Variants in LRRC4C observed in about 807,000 individuals in gnomAD.
LRRC4C encodes the protein leucine-rich repeat-containing protein 4C.
In LRRC4C, 5 loss-of-function variants were observed where a neutral mutation model predicts 33.6. The ratio of observed to expected loss-of-function variants is 0.15; its 90% CI spans 0.08 to 0.31. LRRC4C has a LOEUF of 0.31. Ranked by LOEUF, LRRC4C falls within the 10% of genes least tolerant of loss-of-function variation. The pLI, the probability that LRRC4C is intolerant of heterozygous loss-of-function variation, is 1.00. For missense variants in LRRC4C, 560 were observed against 796.7 expected, an observed-to-expected ratio of 0.70 and a Z score of 3.58; for synonymous variants, 329 against 302.0, an observed-to-expected ratio of 1.09 and a Z score of -0.93.
intron 2 of LRRC4C, among the ~76,000 whole-genome samples, chr11:40,867,455 ACT>A (rs1202992104): frequency 6.6e-6 from 1 of 152,136 alleles, no homozygotes; most frequent in Non-Finnish European, 1.5e-5. Flanking sequence ...AGCATTGGTG[ACT>A]CTTAAAGTAA....
At chr11:40,415,443 C>T (rs1950293611) in intron 3 of LRRC4C, among the ~76,000 whole-genome samples, 1 of 152,134 alleles carries the variant, frequency 6.6e-6, no homozygotes, top group Admixed American at 6.6e-5. Context: ...TTCCTTGCTG[C>T]CCCATTCATG....
intron 4 of LRRC4C, among the ~76,000 whole-genome samples, chr11:40,257,460 C>T (rs1867300217): frequency 6.6e-6 from 1 of 151,986 alleles, no homozygotes; most frequent in African/African-American, 2.4e-5. Flanking sequence ...TTTCTAGTTC[C>T]CAAGTAAACC....
chr11:41,113,887 C>T (rs909559002), intron 1 of LRRC4C, among the ~76,000 whole-genome samples: 1 of 151,928 alleles, frequency 6.6e-6, no homozygotes, highest in Admixed American at 6.6e-5. Context: ...AAGGTACATG[C>T]AATATCTCCA....
chr11:40,548,212 A>T (rs1033810939), intron 3 of LRRC4C, among the ~76,000 whole-genome samples: 3 of 152,074 alleles, frequency 2.0e-5, no homozygotes, highest in African/African-American at 2.4e-5. Flanking sequence ...ACTGTTGAGG[A>T]TTGTGCTTTC....
At chr11:40,265,628 A>C (rs1414391966) in intron 4 of LRRC4C, among the ~76,000 whole-genome samples, 1 of 152,202 alleles carries the variant, frequency 6.6e-6, no homozygotes, top group Non-Finnish European at 1.5e-5. Flanking sequence ...TCCTAACAGC[A>C]CTAATGGTGC....
chr11:41,313,004 C>T (rs921146087), intron 1 of LRRC4C, among the ~76,000 whole-genome samples: 2 of 152,148 alleles, frequency 1.3e-5, no homozygotes, highest in South Asian at 2.1e-4. Flanking sequence ...GTAATAAAGG[C>T]AGTAATTAAC....
chr11:40,366,844 A>G lies in LRRC4C; in HGVS notation c.-269-47123T>C, dbSNP rs559130157. Reference sequence around the variant, plus strand: ...TCTGACCTTATGCAAGTCTCCTTACATTTCTCAGTTTTGTTAGCTATGAAT... The same window carrying G: ...TCTGACCTTATGCAAGTCTCCTTACGTTTCTCAGTTTTGTTAGCTATGAAT... On this transcript the variant is annotated intron_variant, in intron 3 of 6. Transcript: ENST00000528697. Among the ~76,000 whole-genome samples, 7 of 152,192 alleles carry G rather than the reference A, an allele frequency of 4.6e-5. No homozygotes were observed. The East Asian group carries it at 1.4e-3, about 29-fold the overall frequency.
intron 3 of LRRC4C, among the ~76,000 whole-genome samples, chr11:40,431,475 C>A (rs1328364560): frequency 6.6e-6 from 1 of 151,922 alleles, no homozygotes; most frequent in Non-Finnish European, 1.5e-5. Context: ...AGGCAACCAG[C>A]CTCTCATAAT....
At chr11:40,601,009 T>G (rs1959940204) in intron 3 of LRRC4C, among the ~76,000 whole-genome samples, 1 of 152,206 alleles carries the variant, frequency 6.6e-6, no homozygotes, top group African/African-American at 2.4e-5. Context: ...TGAACTCTGA[T>G]AATTTTTTTA....
chr11:40,841,690 T>C (rs1191143243), intron 2 of LRRC4C, among the ~76,000 whole-genome samples: 3 of 152,222 alleles, frequency 2.0e-5, no homozygotes, highest in Non-Finnish European at 4.4e-5. Context: ...CTGTCTGTGA[T>C]ATTTTCTTTT....
chr11:40,499,437 G>T (rs1954633543), intron 3 of LRRC4C, among the ~76,000 whole-genome samples: 1 of 152,052 alleles, frequency 6.6e-6, no homozygotes, highest in South Asian at 2.1e-4. Context: ...GGTAAAAATG[G>T]CCATGTAATT....
intron 1 of LRRC4C, among the ~76,000 whole-genome samples, chr11:41,058,243 G>A (rs965219123): frequency 2.3e-4 from 35 of 152,212 alleles, no homozygotes; most frequent in African/African-American, 7.7e-4. Flanking sequence ...GCATCTCCAT[G>A]CTTCCAGGAA....
chr11:41,199,673 C>T (rs1359143915), intron 1 of LRRC4C, among the ~76,000 whole-genome samples: 2 of 152,082 alleles, frequency 1.3e-5, no homozygotes, highest in Non-Finnish European at 2.9e-5. Context: ...AATGCATCTC[C>T]TCCCACCTAC....
At chr11:41,303,347 C>T (rs1290252805) in intron 1 of LRRC4C, among the ~76,000 whole-genome samples, 1 of 117,206 alleles carries the variant, frequency 8.5e-6, no homozygotes, top group African/African-American at 3.1e-5. Flanking sequence ...CCTCGGCCTC[C>T]CGAGGTGCCG....
intron 4 of LRRC4C, among the ~76,000 whole-genome samples, chr11:40,300,923 T>C (rs987677512): frequency 6.6e-6 from 1 of 152,164 alleles, no homozygotes; most frequent in African/African-American, 2.4e-5. Flanking sequence ...CACGTCAGTC[T>C]CCAGAAGAGC....
intron 4 of LRRC4C, among the ~76,000 whole-genome samples, chr11:40,309,713 C>T (rs1945208354): frequency 6.6e-6 from 1 of 151,978 alleles, no homozygotes; most frequent in South Asian, 2.1e-4. Context: ...CACCATGTAG[C>T]CCAGGCTGGT....
At chr11:40,420,346 C>CT (rs1374196853) in intron 3 of LRRC4C, among the ~76,000 whole-genome samples, 1 of 152,222 alleles carries the variant, frequency 6.6e-6, no homozygotes, top group Non-Finnish European at 1.5e-5. Flanking sequence ...TGACAGCCAA[C>CT]TTTGTCTCAA....
intron 3 of LRRC4C, among the ~76,000 whole-genome samples, chr11:40,350,610 T>C (rs1367239562): frequency 6.6e-6 from 1 of 152,114 alleles, no homozygotes; most frequent in Non-Finnish European, 1.5e-5. Context: ...TTAGAATTAT[T>C]TTTCATATTT....
chr11:41,325,505 G>A lies in LRRC4C; in HGVS notation c.-496+133926C>T, dbSNP rs117927500. ...TAATTTATTATCCTATGGAATAGGG[G>A]TAATAACAATTGTCTCCCAAAACTA... On this transcript the variant is annotated intron_variant, in intron 1 of 6. Coordinates refer to ENST00000528697, the MANE Select transcript of LRRC4C (RefSeq NM_001258419.2). Among the ~76,000 whole-genome samples the A allele has an allele frequency of 5.7e-4, 86 of 150,980 alleles. 1 individual carries two copies. In the East Asian group the frequency reaches 0.013, roughly 23 times the overall value.
Sources: allele counts gnomAD v4.1 joint callset (sites outside exome capture counted in the v4.1 genomes callset), GRCh38; gene constraint gnomAD v4.1.1; transcripts MANE v1.5; gene names NCBI Gene and HGNC (gene_info 2026-07-23, HGNC 2026-07-21).